Variants in ADGRL4 observed in about 807,000 individuals in gnomAD.
ADGRL4 encodes adhesion G protein-coupled receptor L4, also known as EGF, latrophilin and seven transmembrane domain containing 1.
Under a neutral mutation model 74.8 loss-of-function variants are expected in ADGRL4, and 90 were observed. The ratio of observed to expected loss-of-function variants is 1.20; its 90% CI spans 1.02 to 1.43. The LOEUF is 1.43. Among genes scored for constraint, ADGRL4 ranks in the 40% most tolerant of loss-of-function variants. ADGRL4 has a pLI of 0.00. For synonymous variants in ADGRL4, 311 were observed against 279.2 expected, an observed-to-expected ratio of 1.11 and a Z score of -1.14; for missense variants, 881 against 814.3, an observed-to-expected ratio of 1.08 and a Z score of -1.00.
chr1:78,921,642 CA>C lies in ADGRL4; in HGVS notation c.1227del (p.Phe409LeufsTer4). 6.3e-7 allele frequency: 1 copy of C among 1,579,398 alleles called. No individual in the cohort carries two copies. Among genetic ancestry groups the C allele is most frequent in the Non-Finnish European group, 8.6e-7 (1 of 1,164,092 alleles). On this transcript the variant is annotated frameshift_variant, in exon 9 of 15. Transcript: ENST00000370742. LOFTEE classifies it high-confidence loss of function. ...TSCRCNHLTHFAILMSSGPSI... is the reference protein window; with the variant it reads ...TSCRCNHLTHXAILMSSGPSI... ...GAAGGACCAGAGGACATCAAAATTGCAAAATGTGTCAGGTGATTACAGCGGC... is the reference window on the plus strand; with the variant it reads ...GAAGGACCAGAGGACATCAAAATTGCAAATGTGTCAGGTGATTACAGCGGC...
intron 2 of ADGRL4, among the ~76,000 whole-genome samples, chr1:78,970,428 G>T (rs921983198): frequency 1.3e-5 from 2 of 152,136 alleles, no homozygotes; most frequent in African/African-American, 4.8e-5. Context: ...CTGATAGTAG[G>T]TGGGATAGAG....
At chr1:78,906,696 T>G (rs544504806) in intron 12 of ADGRL4, among the ~76,000 whole-genome samples, 1 of 152,124 alleles carries the variant, frequency 6.6e-6, no homozygotes, top group East Asian at 1.9e-4. Context: ...CAGAGGTTAG[T>G]AAGAATCAAA....
chr1:78,983,651 G>C (rs893766344), intron 2 of ADGRL4, among the ~76,000 whole-genome samples: 2 of 151,704 alleles, frequency 1.3e-5, no homozygotes, highest in Non-Finnish European at 2.9e-5. Context: ...AAATGAGAAA[G>C]TTATTATTTT....
chr1:78,894,356 T>C (rs1013552084), intron 12 of ADGRL4, among the ~76,000 whole-genome samples: 2 of 151,852 alleles, frequency 1.3e-5, no homozygotes, highest in Non-Finnish European at 2.9e-5. Flanking sequence ...GTCTAGTCTC[T>C]ATTTCCTGTT....
At chr1:78,935,613 T>C (rs1039409995) in intron 7 of ADGRL4, among the ~76,000 whole-genome samples, 5 of 152,052 alleles carry the variant, frequency 3.3e-5, no homozygotes, top group African/African-American at 1.2e-4. Flanking sequence ...TGATGAAGAA[T>C]ATGATGGATT....
rs551030491 is a variant in ADGRL4, at chr1:78,943,241, C to T, written c.325+3033G>A. The stretch of plus-strand genomic sequence containing the variant: ...AGGACATTACAAGCAGTAAACAATG[C>T]TCTAAAACACATGGTGAAATTGAAG... On this transcript the variant is annotated intron_variant, in intron 3 of 14. Transcript: ENST00000370742. 4.6e-5 allele frequency among the ~76,000 whole-genome samples: 7 copies of T among 152,208 alleles called. No homozygotes were observed. The South Asian group carries it at 8.3e-4, about 18-fold the overall frequency.
At chr1:78,986,103 G>A (rs1177987251) in intron 2 of ADGRL4, among the ~76,000 whole-genome samples, 1 of 151,634 alleles carries the variant, frequency 6.6e-6, no homozygotes, top group Non-Finnish European at 1.5e-5. Flanking sequence ...AAAATAATCT[G>A]TACATCAGAC....
intron 4 of ADGRL4, 104 bp from the exon 5 acceptor site, chr1:78,938,383 G>T: frequency 1.2e-6 from 1 of 822,544 alleles, no homozygotes; most frequent in Non-Finnish European, 1.8e-6. Flanking sequence ...GGTTTCCTTG[G>T]TCTACACATA....
intron 2 of ADGRL4, among the ~76,000 whole-genome samples, chr1:78,947,913 C>G (rs1649639648): frequency 6.6e-6 from 1 of 152,074 alleles, no homozygotes; most frequent in African/African-American, 2.4e-5. Context: ...AATTCATATA[C>G]TGGCTATTGC....
At chr1:78,973,203 T>C (rs1053033644) in intron 2 of ADGRL4, among the ~76,000 whole-genome samples, 11 of 152,118 alleles carry the variant, frequency 7.2e-5, no homozygotes, top group Non-Finnish European at 1.6e-4. Flanking sequence ...ACTTTCAAAT[T>C]TGTGTGTTTT....
At chr1:78,971,384 G>C (rs1650163462) in intron 2 of ADGRL4, among the ~76,000 whole-genome samples, 1 of 152,134 alleles carries the variant, frequency 6.6e-6, no homozygotes, top group Admixed American at 6.5e-5. Flanking sequence ...GAATGAGAGA[G>C]CCAGGTGGGA....
In ADGRL4 at chr1:78,893,181, G is replaced by A. The variant is rs757686848; in HGVS notation, c.1758C>T (p.Leu586=). 3.8e-6 allele frequency: 6 copies of A among 1,592,828 alleles called. No individual in the cohort carries two copies. The African/African-American group carries it at 8.1e-5, about 22-fold the overall frequency. Residue 586 remains leucine (L), a synonymous_variant, in exon 13 of 15, where the codon CTC becomes CTT. Transcript: ENST00000370742. ...GPACLIILVN[L]LAFGVIIYKV... is the part of the protein sequence containing the mutation. ...TGTATATGATGACTCCAAAAGCCAAGAGATTAACCTGGAAAAAGAATTAAT... is the reference window on the plus strand; with the variant it reads ...TGTATATGATGACTCCAAAAGCCAAAAGATTAACCTGGAAAAAGAATTAAT...
At chr1:78,921,162 A>G (rs1447903894) in intron 9 of ADGRL4, among the ~76,000 whole-genome samples, 3 of 151,704 alleles carry the variant, frequency 2.0e-5, no homozygotes, top group Non-Finnish European at 4.4e-5. Flanking sequence ...ATGTTTAAAA[A>G]TCTTGTGGCG....
intron 2 of ADGRL4, among the ~76,000 whole-genome samples, chr1:79,003,774 G>A (rs552121889): frequency 2.6e-5 from 4 of 151,992 alleles, no homozygotes; most frequent in African/African-American, 9.6e-5. Flanking sequence ...AATGATTAGT[G>A]GAAAAGCACA....
At chr1:78,974,134 T>A (rs1320641298) in intron 2 of ADGRL4, among the ~76,000 whole-genome samples, 3 of 152,144 alleles carry the variant, frequency 2.0e-5, no homozygotes, top group Non-Finnish European at 4.4e-5. Flanking sequence ...CGCATATAAA[T>A]GTTATTTTCC....
intron 8 of ADGRL4, among the ~76,000 whole-genome samples, chr1:78,923,198 C>A (rs1649038083): frequency 6.6e-6 from 1 of 151,862 alleles, no homozygotes; most frequent in Non-Finnish European, 1.5e-5. Context: ...AATTGAGGAG[C>A]CAGACTGAAC....
intron 2 of ADGRL4, among the ~76,000 whole-genome samples, chr1:79,000,171 G>T (rs111916018): frequency 0.037 from 5,658 of 152,084 alleles, 116 homozygotes; most frequent in South Asian, 0.055. Flanking sequence ...AGATAATACT[G>T]ATTAAAAATA....
rs1377320706 is a variant in ADGRL4 at position 78,938,182 on chromosome 1, A to G, written c.494T>C (p.Ile165Thr). The change falls in exon 5 of 15, where the codon ATA becomes ACA. Residue 165 changes from isoleucine to threonine, a missense_variant. By Grantham distance (89) the Ile-to-Thr change is moderately conservative. Coordinates refer to ENST00000370742, the MANE Select transcript of ADGRL4 (RefSeq NM_022159.4). ...SPTDIITYIE[I>T]LAESSSLLGY... The stretch of plus-strand genomic sequence containing the variant: ...TAGTAATGAAGATGATTCAGCTAAT[A>G]TTTCTATATATGTAATTATATCTGT... 2.5e-6 allele frequency: 4 copies of G among 1,612,204 alleles called. No homozygotes were observed. The African/African-American group carries it at 4.0e-5, about 16-fold the overall frequency.
Position 78,914,513 on chromosome 1 carries a change from G to C in ADGRL4, c.1749+3121C>G, listed in dbSNP as rs187762773. On this transcript the variant is annotated intron_variant, in intron 12 of 14. Transcript: ENST00000370742. ...GTCATTGCTATCCCCAAAATGGCAA[G>C]TGGTGATCAATTTTGAACATCTGAT... Among the ~76,000 whole-genome samples, 268 of 151,954 alleles carry C rather than the reference G, an allele frequency of 1.8e-3. 2 individuals are homozygous for C. Among genetic ancestry groups the C allele is most frequent in the African/African-American group, 6.2e-3 (257 of 41,488 alleles).
Sources: gnomAD v4.1 joint callset for allele counts (sites outside exome capture counted in the v4.1 genomes callset) on GRCh38, gnomAD v4.1.1 for gene constraint, MANE v1.5 for transcripts, NCBI Gene and HGNC (gene_info 2026-07-23, HGNC 2026-07-21) for gene names.